Variants in LHFPL6 observed in about 807,000 individuals in gnomAD.
LHFPL6 encodes the protein LHFPL tetraspan subfamily member 6 protein.
LHFPL6 carries 9 observed loss-of-function variants against 20.6 expected under a neutral mutation model. The observed-to-expected ratio is 0.44, with a 90% CI of 0.26 to 0.76. The LOEUF is 0.76. Among genes scored for constraint, LHFPL6 ranks in the 30% least tolerant of loss-of-function variants. The probability of loss-of-function intolerance (pLI) is 0.20; values close to 1 mark genes in which losing one functional copy is unlikely to be tolerated. For missense variants in LHFPL6, 218 were observed against 253.5 expected, an observed-to-expected ratio of 0.86 and a Z score of 0.95; for synonymous variants, 105 against 98.7, an observed-to-expected ratio of 1.06 and a Z score of -0.38.
chr13:39,389,244 G>A (rs1330201168), intron 2 of LHFPL6, among the ~76,000 whole-genome samples: 1 of 152,136 alleles, frequency 6.6e-6, no homozygotes. Context: ...TCAGGGGAGG[G>A]GCTGACTGGG....
intron 1 of LHFPL6, 99 bp from the exon 2 acceptor site, chr13:39,601,489 C>T (rs1872946295): frequency 3.1e-6 from 1 of 320,224 alleles, no homozygotes; most frequent in Non-Finnish European, 5.7e-6. Context: ...AACATTGAGA[C>T]TTGCCTCAAC....
At chr13:39,480,837 T>C (rs1261805104) in intron 2 of LHFPL6, among the ~76,000 whole-genome samples, 1 of 152,182 alleles carries the variant, frequency 6.6e-6, no homozygotes, top group African/African-American at 2.4e-5. Flanking sequence ...TTTGAAATCA[T>C]TTTAAGGTCA....
chr13:39,392,121 T>C (rs1476326019), intron 2 of LHFPL6, among the ~76,000 whole-genome samples: 1 of 152,242 alleles, frequency 6.6e-6, no homozygotes, highest in Non-Finnish European at 1.5e-5. Flanking sequence ...AAATCACATC[T>C]GTCTTTAGTG....
chr13:39,344,113 G>A, intron 3 of LHFPL6, 59 bp from the exon 4 acceptor site: 2 of 1,370,708 alleles, frequency 1.5e-6, no homozygotes, highest in Middle Eastern at 1.8e-4. Context: ...TTGCAGCAGG[G>A]TTTCTTATTG....
At chr13:39,429,386 T>C (rs1214954821) in intron 2 of LHFPL6, among the ~76,000 whole-genome samples, 1 of 152,182 alleles carries the variant, frequency 6.6e-6, no homozygotes, top group East Asian at 1.9e-4. Flanking sequence ...ATCTTCCTGA[T>C]AACAATCTAT....
chr13:39,496,659 G>A (rs1224379744), intron 2 of LHFPL6, among the ~76,000 whole-genome samples: 1 of 152,198 alleles, frequency 6.6e-6, no homozygotes, highest in Non-Finnish European at 1.5e-5. Context: ...AGATATAAAA[G>A]AGCATGCAGC....
At chr13:39,551,406 C>G (rs73466876) in intron 2 of LHFPL6, among the ~76,000 whole-genome samples, 1 of 151,618 alleles carries the variant, frequency 6.6e-6, no homozygotes, top group East Asian at 1.9e-4. Flanking sequence ...CTCTACTCTC[C>G]TGACCCAATT....
rs544935425 is a variant in LHFPL6 at position 39,504,770 on chromosome 13, T to C, written c.385+96062A>G. Among the ~76,000 whole-genome samples the C allele has an allele frequency of 3.9e-5, 6 of 152,342 alleles. No homozygotes were observed. In the South Asian group the frequency reaches 1.2e-3, roughly 32 times the overall value. ...AGGTTAGTGCTGTCACACATGAAAC[T>C]GGGGAGGAAACCCCACACTTCTAAT... is the stretch of plus-strand genomic sequence containing the variant. On this transcript the variant is annotated intron_variant, in intron 2 of 3. Transcript: ENST00000379589.
At chr13:39,432,961 C>A (rs73175112) in intron 2 of LHFPL6, among the ~76,000 whole-genome samples, 22,425 of 152,054 alleles carry the variant, frequency 0.15, 1,766 homozygotes, top group South Asian at 0.22. Context: ...AAACAAATAC[C>A]AAAACAGAAA....
At chr13:39,349,881 A>G (rs888076041) in intron 3 of LHFPL6, among the ~76,000 whole-genome samples, 3 of 152,178 alleles carry the variant, frequency 2.0e-5, no homozygotes, top group African/African-American at 7.2e-5. Flanking sequence ...TTGCTAAAGT[A>G]TTGCTCAAGT....
At chr13:39,472,591 CTTTAT>C (rs777266174) in intron 2 of LHFPL6, among the ~76,000 whole-genome samples, 26 of 152,086 alleles carry the variant, frequency 1.7e-4, no homozygotes, top group African/African-American at 3.9e-4. Flanking sequence ...TTCTTCCCCT[CTTTAT>C]TTTATCATTT....
At chr13:39,535,865 T>C (rs1381091370) in intron 2 of LHFPL6, among the ~76,000 whole-genome samples, 2 of 152,286 alleles carry the variant, frequency 1.3e-5, no homozygotes, top group South Asian at 4.1e-4. Context: ...GCTCAGGACA[T>C]AAATGAGCAT....
In LHFPL6 at chr13:39,486,431, T is replaced by C. The variant is rs549865858; in HGVS notation, c.386-107905A>G. Reference sequence around the variant, plus strand: ...TATTTAAAAAAATGTATTGCAACCCTGTCTTAGCACTTACAAATGGGTGGT... The same window carrying C: ...TATTTAAAAAAATGTATTGCAACCCCGTCTTAGCACTTACAAATGGGTGGT... On this transcript the variant is annotated intron_variant, in intron 2 of 3. Transcript: ENST00000379589. Among the ~76,000 whole-genome samples, 4 of 152,340 alleles carry C rather than the reference T, an allele frequency of 2.6e-5. No homozygotes were observed. The East Asian group carries it at 7.7e-4, about 29-fold the overall frequency.
At chr13:39,447,673 T>C (rs926013483) in intron 2 of LHFPL6, among the ~76,000 whole-genome samples, 4 of 152,174 alleles carry the variant, frequency 2.6e-5, no homozygotes, top group Admixed American at 6.5e-5. Flanking sequence ...GTCTTACCCA[T>C]CCACTTCTCA....
At chr13:39,464,472 G>C (rs746191227) in intron 2 of LHFPL6, among the ~76,000 whole-genome samples, 6 of 152,092 alleles carry the variant, frequency 3.9e-5, no homozygotes, top group Non-Finnish European at 7.4e-5. Context: ...AATTAAGATG[G>C]AATTTGGAAT....
intron 2 of LHFPL6, among the ~76,000 whole-genome samples, chr13:39,543,015 A>T (rs1259743287): frequency 6.6e-6 from 1 of 152,122 alleles, no homozygotes; most frequent in Non-Finnish European, 1.5e-5. Flanking sequence ...ATGAACTCCA[A>T]GTTCCCCTCT....
intron 2 of LHFPL6, among the ~76,000 whole-genome samples, chr13:39,441,472 T>C (rs1023359076): frequency 2.0e-4 from 30 of 151,844 alleles, no homozygotes; most frequent in Admixed American, 3.3e-4. Context: ...TGCTTCAATT[T>C]TGTCATCAAT....
At chr13:39,384,353 C>T (rs1870512538) in intron 2 of LHFPL6, among the ~76,000 whole-genome samples, 1 of 152,164 alleles carries the variant, frequency 6.6e-6, no homozygotes, top group African/African-American at 2.4e-5. Context: ...GAAGAGGATA[C>T]TTCAAATGTT....
chr13:39,521,115 C>T (rs1328085413), intron 2 of LHFPL6, among the ~76,000 whole-genome samples: 2 of 152,182 alleles, frequency 1.3e-5, no homozygotes, highest in Admixed American at 1.3e-4. Flanking sequence ...ATAGGTCCTA[C>T]CTTCATAGGT....
Sources: allele counts gnomAD v4.1 joint callset (sites outside exome capture counted in the v4.1 genomes callset), GRCh38; gene constraint gnomAD v4.1.1; transcripts MANE v1.5; gene names NCBI Gene and HGNC (gene_info 2026-07-23, HGNC 2026-07-21).